PLXNA2: variants seen among roughly 807,000 people sequenced by gnomAD.
PLXNA2 encodes plexin A2.
A neutral mutation model predicts 193.5 loss-of-function variants in PLXNA2; 91 were observed. The observed-to-expected ratio is 0.47, with a 90% CI of 0.40 to 0.56. The LOEUF is 0.56. Ranked by LOEUF, PLXNA2 falls within the 20% of genes least tolerant of loss-of-function variation. PLXNA2 has a pLI of 0.00. For synonymous variants in PLXNA2, 997 were observed against 1,027.3 expected (o/e 0.97, Z 0.56); for missense variants, 1,995 against 2,503.2 (o/e 0.80, Z 4.33).
chr1:208,039,184 C>T (rs1266016055), intron 24 of PLXNA2, among the ~76,000 whole-genome samples, 200 bp from the exon 25 acceptor site: 1 of 152,088 alleles, frequency 6.6e-6, no homozygotes, highest in Admixed American at 6.5e-5. Flanking sequence ...GTGTCCAATT[C>T]TTCTTTCTCA....
At chr1:208,068,864 C>T (rs1205872573) in intron 12 of PLXNA2, among the ~76,000 whole-genome samples, 1 of 152,204 alleles carries the variant, frequency 6.6e-6, no homozygotes, top group Non-Finnish European at 1.5e-5. Flanking sequence ...GTACGGAAAG[C>T]TGTATTTGCG....
chr1:208,149,324 A>C (rs545475793), intron 3 of PLXNA2, among the ~76,000 whole-genome samples: 2 of 151,440 alleles, frequency 1.3e-5, no homozygotes, highest in East Asian at 1.9e-4. Flanking sequence ...TGTTGTGTGC[A>C]TGAGTGTGGT....
intron 1 of PLXNA2, among the ~76,000 whole-genome samples, chr1:208,223,759 G>A (rs1395850605): frequency 6.6e-6 from 1 of 152,180 alleles, no homozygotes; most frequent in African/African-American, 2.4e-5. Flanking sequence ...CAAAGAGTTA[G>A]AGCTACAGCA....
In PLXNA2 at chr1:208,082,392, ACCCGGAAGTAG is replaced by A; in HGVS notation, c.2395+9_2395+19del. On this transcript the variant is annotated intron_variant, in intron 11 of 31. Transcript: ENST00000367033. This position sits in a 1 kb window ranked among gnomAD's most constrained non-coding sequence, Gnocchi z 4.2. ...GGGGTCGTGAAAAGATCAAACTTCT[ACCCGGAAGTAG>A]CCGCTTACCTTTCAGGTCCTGAGGG... The A allele has an allele frequency of 6.2e-7, 1 of 1,601,902 alleles. No homozygotes were observed. Among genetic ancestry groups the A allele is most frequent in the Non-Finnish European group, 8.5e-7 (1 of 1,169,716 alleles).
chr1:208,229,435 C>A (rs561513165), intron 1 of PLXNA2, among the ~76,000 whole-genome samples: 4 of 152,196 alleles, frequency 2.6e-5, no homozygotes, highest in African/African-American at 9.6e-5. Context: ...TCAAGAGCAG[C>A]GCGAGGGGGT....
At chr1:208,069,451 C>G (rs1343209774) in intron 12 of PLXNA2, among the ~76,000 whole-genome samples, 3 of 152,244 alleles carry the variant, frequency 2.0e-5, no homozygotes, top group African/African-American at 7.2e-5. Flanking sequence ...CTCATTCTTG[C>G]AGCCACTAAT....
At chr1:208,043,902 G>C (rs1454487617) in intron 20 of PLXNA2, among the ~76,000 whole-genome samples, 3 of 152,244 alleles carry the variant, frequency 2.0e-5, no homozygotes, top group Non-Finnish European at 4.4e-5. Flanking sequence ...AGCCTGCCAG[G>C]TCCTCAGCCT....
chr1:208,219,157 C>G (rs1671239591), intron 1 of PLXNA2, among the ~76,000 whole-genome samples: 1 of 152,222 alleles, frequency 6.6e-6, no homozygotes, highest in Non-Finnish European at 1.5e-5. Context: ...GGCTTTAAGG[C>G]TCCTCCACTT....
intron 4 of PLXNA2, among the ~76,000 whole-genome samples, chr1:208,124,890 C>T (rs1558204929): frequency 2.0e-5 from 3 of 152,050 alleles, no homozygotes; most frequent in Non-Finnish European, 2.9e-5. Context: ...TGGCCAGGCA[C>T]GGCAGTAATG....
Position 208,096,888 on chromosome 1 carries a change from G to C in PLXNA2, c.1732-5C>G. On this transcript the variant is annotated splice_polypyrimidine_tract_variant and splice_region_variant and intron_variant, in intron 6 of 31. Transcript: ENST00000367033. ...ATCACTCACTACCAGGCTAAGCTGTGGGAGGAGCAAAGAGATGATGCCAAA... is the reference window on the plus strand; with the variant it reads ...ATCACTCACTACCAGGCTAAGCTGTCGGAGGAGCAAAGAGATGATGCCAAA... The C allele has an allele frequency of 6.2e-7, 1 of 1,612,316 alleles. No homozygotes were observed.
chr1:208,196,303 A>G (rs1484351374), intron 3 of PLXNA2, among the ~76,000 whole-genome samples: 1 of 152,184 alleles, frequency 6.6e-6, no homozygotes, highest in Non-Finnish European at 1.5e-5. Context: ...TGAGGACTCA[A>G]CCAAACACAC....
At position 208,044,515 on chromosome 1, in the gene PLXNA2, G is replaced by A; in HGVS notation, c.3867C>T (p.Cys1289=). 1.9e-6 allele frequency: 3 copies of A among 1,612,232 alleles called. No individual in the cohort carries two copies. The highest frequency in any genetic ancestry group is 1.1e-5 in the South Asian group (1 of 91,036). The change falls in exon 20 of 32, where the codon TGC becomes TGT. Residue 1289 remains cysteine (C), a synonymous_variant. Coordinates refer to ENST00000367033, the MANE Select transcript of PLXNA2 (RefSeq NM_025179.4). This position sits in a 1 kb window ranked among gnomAD's most constrained non-coding sequence, Gnocchi z 4.9. ...GGGTGTGCTTCCACTAACCTTCCTT[G>A]CACTCCAAGGCCACACGGGACTCCA... ...DNLESRVALE[C]KEAFAELQTD... is the part of the protein sequence containing the mutation.
chr1:208,062,580 C>G (rs1196890643), intron 12 of PLXNA2, among the ~76,000 whole-genome samples: 1 of 152,214 alleles, frequency 6.6e-6, no homozygotes, highest in Non-Finnish European at 1.5e-5. Flanking sequence ...CCTGAATGCT[C>G]TTATCTGGAG....
chr1:208,197,218 T>C (rs1481080784), intron 3 of PLXNA2, among the ~76,000 whole-genome samples: 1 of 152,178 alleles, frequency 6.6e-6, no homozygotes, highest in East Asian at 1.9e-4. Context: ...AGTCTGAAGA[T>C]CAAAAGAGCA....
intron 13 of PLXNA2, among the ~76,000 whole-genome samples, chr1:208,056,331 T>A (rs1665430731): frequency 6.6e-6 from 1 of 152,232 alleles, no homozygotes; most frequent in Admixed American, 6.5e-5. Context: ...GTGTGCTTGT[T>A]ACTCAGTCAT....
intron 27 of PLXNA2, 126 bp from the exon 28 acceptor site, chr1:208,033,635 C>T: frequency 3.0e-6 from 2 of 675,198 alleles, no homozygotes; most frequent in Non-Finnish European, 2.3e-6. Context: ...TGAAAGGGGA[C>T]CGTTGGGACC....
intron 3 of PLXNA2, among the ~76,000 whole-genome samples, chr1:208,194,651 C>T (rs147685671): frequency 2.4e-4 from 36 of 152,294 alleles, no homozygotes; most frequent in African/African-American, 7.9e-4. Context: ...CCTATCTATA[C>T]ATCCTGCCAC....
intron 1 of PLXNA2, among the ~76,000 whole-genome samples, chr1:208,242,972 C>T (rs1340900787): frequency 6.6e-6 from 1 of 152,186 alleles, no homozygotes; most frequent in African/African-American, 2.4e-5. Flanking sequence ...ATTTCAACCC[C>T]CAGCACTCCT....
chr1:208,104,361 G>A (rs189521387), intron 4 of PLXNA2, among the ~76,000 whole-genome samples: 5 of 152,320 alleles, frequency 3.3e-5, no homozygotes, highest in Admixed American at 2.6e-4. Context: ...CTGGTGCTAT[G>A]CAACAGAGAA....
Sources: gnomAD v4.1 joint callset for allele counts (sites outside exome capture counted in the v4.1 genomes callset) on GRCh38, gnomAD v4.1.1 for gene constraint, Gnocchi (gnomAD v3.1) non-coding constraint, MANE v1.5 for transcripts, NCBI Gene and HGNC (gene_info 2026-07-23, HGNC 2026-07-21) for gene names.